Variants in SCHIP1 observed in about 807,000 individuals in gnomAD.
SCHIP1 encodes schwannomin interacting protein 1, also known as schwannomin-interacting protein 1.
SCHIP1 carries 8 observed loss-of-function variants against 29.7 expected under a neutral mutation model. The observed-to-expected ratio is 0.27, with a 90% CI of 0.16 to 0.49. SCHIP1 has a LOEUF of 0.49. Among genes scored for constraint, SCHIP1 ranks in the 20% least tolerant of loss-of-function variants. SCHIP1 has a pLI of 0.99. For synonymous variants in SCHIP1, 76 were observed against 94.9 expected (o/e 0.80, Z 1.16); for missense variants, 193 against 294.6 (o/e 0.66, Z 2.52).
the SCHIP1 span, among the ~76,000 whole-genome samples, chr3:159,411,353 T>C: frequency 6.6e-6 from 1 of 152,162 alleles, no homozygotes; most frequent in Non-Finnish European, 1.5e-5. Context: ...CTTGATGTGA[T>C]TGTTATGCAT....
At chr3:159,420,187 A>G in the SCHIP1 span, among the ~76,000 whole-genome samples, 5 of 152,216 alleles carry the variant, frequency 3.3e-5, no homozygotes, top group African/African-American at 9.7e-5. Flanking sequence ...GCAATAGTGC[A>G]GACACTATAT....
At chr3:159,448,558 G>A in the SCHIP1 span, among the ~76,000 whole-genome samples, 278 of 152,238 alleles carry the variant, frequency 1.8e-3, no homozygotes, top group East Asian at 0.024. Context: ...CTGGGCTGCT[G>A]TGTACTGATT....
chr3:159,617,931 C>A, the SCHIP1 span, among the ~76,000 whole-genome samples: 1 of 152,132 alleles, frequency 6.6e-6, no homozygotes, highest in Non-Finnish European at 1.5e-5. Flanking sequence ...CACCCTTCCC[C>A]TTACCTTTAT....
At chr3:159,565,641 A>C in the SCHIP1 span, among the ~76,000 whole-genome samples, 2 of 151,732 alleles carry the variant, frequency 1.3e-5, no homozygotes, top group African/African-American at 4.8e-5. Flanking sequence ...ATGTGCTCAT[A>C]AGTTCCATTA....
chr3:159,609,950 C>G, the SCHIP1 span, among the ~76,000 whole-genome samples: 1 of 152,154 alleles, frequency 6.6e-6, no homozygotes, highest in African/African-American at 2.4e-5. Flanking sequence ...AATGGAAAGA[C>G]AGGAGTGGAA....
At chr3:159,840,213 A>C in exon 1 of SCHIP1, 1 of 1,535,604 alleles carries the variant, frequency 6.5e-7, no homozygotes, top group East Asian at 2.4e-5. Context: ...TGCTCGTATC[A>C]GGTAAAATTT....
chr3:159,430,955 A>G, the SCHIP1 span, among the ~76,000 whole-genome samples: 1 of 152,192 alleles, frequency 6.6e-6, no homozygotes, highest in Non-Finnish European at 1.5e-5. Context: ...GAGGGACTCA[A>G]AGCTGGAATA....
At chr3:159,483,319 A>G in the SCHIP1 span, among the ~76,000 whole-genome samples, 3 of 152,162 alleles carry the variant, frequency 2.0e-5, no homozygotes, top group African/African-American at 7.2e-5. Flanking sequence ...TATTTAATCC[A>G]CAGAAAGCAG....
the SCHIP1 span, among the ~76,000 whole-genome samples, chr3:159,735,938 G>A: frequency 5.3e-5 from 8 of 151,664 alleles, no homozygotes; most frequent in South Asian, 2.1e-4. Context: ...TCTGAGCCTC[G>A]ATCTATGGCC....
the SCHIP1 span, among the ~76,000 whole-genome samples, chr3:159,749,485 T>A: frequency 6.6e-6 from 1 of 152,322 alleles, no homozygotes; most frequent in Non-Finnish European, 1.5e-5. Flanking sequence ...AAACACCATC[T>A]CCTTGGCCAT....
At chr3:159,655,826 T>C in the SCHIP1 span, among the ~76,000 whole-genome samples, 950 of 152,124 alleles carry the variant, frequency 6.2e-3, 17 homozygotes, top group African/African-American at 0.02. Context: ...GAGGCGGAGG[T>C]TGCAGTGAGC....
chr3:159,427,645 A>T, the SCHIP1 span, among the ~76,000 whole-genome samples: 3 of 150,838 alleles, frequency 2.0e-5, no homozygotes, highest in Non-Finnish European at 3.0e-5. Flanking sequence ...ATTCAATGCC[A>T]TCCCCATCAA....
At chr3:159,510,180 T>A in the SCHIP1 span, among the ~76,000 whole-genome samples, 1 of 152,228 alleles carries the variant, frequency 6.6e-6, no homozygotes, top group East Asian at 1.9e-4. Flanking sequence ...TTTATTCTTT[T>A]TTCTCTAAAC....
chr3:159,892,834 C>G (rs1319387221), intron 6 of SCHIP1: 1 of 152,656 alleles, frequency 6.6e-6, no homozygotes, highest in East Asian at 1.9e-4. Context: ...AAGCATGTCA[C>G]TGTAAGTATA....
chr3:159,291,254 AG>A, the SCHIP1 span, among the ~76,000 whole-genome samples: 1 of 152,046 alleles, frequency 6.6e-6, no homozygotes, highest in Non-Finnish European at 1.5e-5. Flanking sequence ...AATATGTAAA[AG>A]CCTATGTGTT....
At chr3:159,479,879 C>T in the SCHIP1 span, among the ~76,000 whole-genome samples, 1 of 152,130 alleles carries the variant, frequency 6.6e-6, no homozygotes, top group Admixed American at 6.6e-5. Context: ...CTTTTCCTTA[C>T]ATCATCTTGT....
chr3:159,690,363 A>G, the SCHIP1 span, among the ~76,000 whole-genome samples: 5 of 151,894 alleles, frequency 3.3e-5, no homozygotes, highest in Non-Finnish European at 7.4e-5. Context: ...TTTCTTCTAG[A>G]TTTTCTAGTT....
the SCHIP1 span, among the ~76,000 whole-genome samples, chr3:159,335,143 G>C: frequency 6.6e-6 from 1 of 151,888 alleles, no homozygotes; most frequent in East Asian, 1.9e-4. Flanking sequence ...TAAGTGATCT[G>C]CCTGCCCTGG....
the SCHIP1 span, among the ~76,000 whole-genome samples, chr3:159,814,063 T>C: frequency 6.6e-6 from 1 of 152,162 alleles, no homozygotes; most frequent in East Asian, 1.9e-4. Context: ...CTTCTTCAGC[T>C]GCTGGTAATG....
Sources: gnomAD v4.1 joint callset for allele counts (sites outside exome capture counted in the v4.1 genomes callset) on GRCh38, gnomAD v4.1.1 for gene constraint, MANE v1.5 for transcripts, NCBI Gene and HGNC (gene_info 2026-07-23, HGNC 2026-07-21) for gene names.